The following CSMD1 variants were observed in gnomAD, a reference collection of about 807,000 sequenced individuals.
CSMD1 encodes the protein CUB and sushi domain-containing protein 1.
CSMD1 carries 213 observed loss-of-function variants against 417.5 expected under a neutral mutation model. That is an observed-to-expected ratio of 0.51 (90% CI 0.46 to 0.57). The LOEUF (loss-of-function observed/expected upper bound fraction) is 0.57, where lower values mean the gene tolerates loss of function less well. CSMD1 is among the 20% of genes least tolerant of loss of function. The pLI is 0.00. For synonymous variants in CSMD1, 2,862 were observed against 1,736.8 expected, an observed-to-expected ratio of 1.65 and a Z score of -16.11; for missense variants, 6,923 against 4,529.7, an observed-to-expected ratio of 1.53 and a Z score of -15.17.
At chr8:3,176,964 G>A (rs564146344) in intron 37 of CSMD1, among the ~76,000 whole-genome samples, 2 of 151,982 alleles carry the variant, frequency 1.3e-5, no homozygotes, top group East Asian at 1.9e-4. Flanking sequence ...TTTTTATAGA[G>A]ATGAGGTTTT....
chr8:4,005,791 G>C (rs566774507), intron 4 of CSMD1, among the ~76,000 whole-genome samples: 17 of 152,168 alleles, frequency 1.1e-4, no homozygotes, highest in African/African-American at 4.1e-4. Flanking sequence ...ATTAGTGTCA[G>C]AATCTCATTT....
chr8:4,390,876 TC>T (rs1234460072), intron 3 of CSMD1, among the ~76,000 whole-genome samples: 1 of 152,158 alleles, frequency 6.6e-6, no homozygotes, highest in Non-Finnish European at 1.5e-5. Flanking sequence ...CTCACATGTT[TC>T]ATATGTTGTC....
In CSMD1 at chr8:3,823,286, G is replaced by A. The variant is rs373657567; in HGVS notation, c.819-69244C>T. Among the ~76,000 whole-genome samples, 12 of 152,220 alleles carry A rather than the reference G, an allele frequency of 7.9e-5. No individual in the cohort carries two copies. In the East Asian group the frequency reaches 2.1e-3, roughly 27 times the overall value. On this transcript the variant is annotated intron_variant, in intron 5 of 69. Coordinates refer to ENST00000635120, the MANE Select transcript of CSMD1 (RefSeq NM_033225.6). ...ATTCAGTTTTGCCAGATAATGTCTG[G>A]AATCGCTTCCTCCTGCAAACCATCT...
chr8:4,529,480 G>C (rs576429672), intron 2 of CSMD1, among the ~76,000 whole-genome samples: 1 of 152,108 alleles, frequency 6.6e-6, no homozygotes, highest in East Asian at 1.9e-4. Context: ...AAAATTTAAT[G>C]ATTTATAACT....
chr8:3,539,295 T>G (rs1798340398), intron 10 of CSMD1, among the ~76,000 whole-genome samples: 1 of 152,192 alleles, frequency 6.6e-6, no homozygotes, highest in South Asian at 2.1e-4. Flanking sequence ...TTCCCCCTAC[T>G]GCCTACCTCC....
Position 3,756,948 on chromosome 8 carries a change from A to C in CSMD1, c.819-2906T>G, listed in dbSNP as rs924994677. ...GTAGCTAGAGCTATATGTGCACACC[A>C]TATCTGGATAGTTTTGTAATCTTTT... On this transcript the variant is annotated intron_variant, in intron 5 of 69. Coordinates refer to ENST00000635120, the MANE Select transcript of CSMD1 (RefSeq NM_033225.6). Among the ~76,000 whole-genome samples, 3 of 152,216 alleles carry C rather than the reference A, an allele frequency of 2.0e-5. No individual in the cohort carries two copies. The South Asian group carries it at 6.2e-4, about 32-fold the overall frequency.
chr8:3,649,662 A>G (rs1293546508), intron 7 of CSMD1, among the ~76,000 whole-genome samples: 1 of 152,176 alleles, frequency 6.6e-6, no homozygotes, highest in Non-Finnish European at 1.5e-5. Flanking sequence ...CCATGATTCC[A>G]TTACCTCCAC....
intron 1 of CSMD1, among the ~76,000 whole-genome samples, chr8:4,821,219 A>G (rs979913549): frequency 6.6e-6 from 1 of 152,200 alleles, no homozygotes; most frequent in Non-Finnish European, 1.5e-5. Flanking sequence ...AAGGAAAAAC[A>G]TTCTTACAAT....
intron 10 of CSMD1, among the ~76,000 whole-genome samples, chr8:3,563,058 T>C (rs1363494124): frequency 6.6e-6 from 1 of 152,124 alleles, no homozygotes; most frequent in African/African-American, 2.4e-5. Context: ...TGCTTGGTCA[T>C]GATCTGGGTG....
Position 3,284,155 on chromosome 8 carries a change from A to T in CSMD1, c.4142T>A (p.Ile1381Asn). The change falls in exon 26 of 70, where the codon ATC (isoleucine) becomes AAC (asparagine). Residue 1381 changes from isoleucine (I) to asparagine (N), a missense_variant. Transcript: ENST00000635120. The part of the protein sequence containing the change: ...DFFISKSGFS[I>N]QFSTSIAATC... ...GCTGTGCCACCTACTGGAGAACTGGATGGAGAAGCCAGACTTGCTGATGAA... is the reference window on the plus strand; with the variant it reads ...GCTGTGCCACCTACTGGAGAACTGGTTGGAGAAGCCAGACTTGCTGATGAA... 6.4e-7 allele frequency: 1 copy of T among 1,566,260 alleles called. No individual in the cohort carries two copies. The highest frequency in any genetic ancestry group is 8.7e-7 in the Non-Finnish European group (1 of 1,155,720).
chr8:4,097,608 T>C (rs1275145293), intron 3 of CSMD1, among the ~76,000 whole-genome samples: 1 of 152,218 alleles, frequency 6.6e-6, no homozygotes, highest in Non-Finnish European at 1.5e-5. Flanking sequence ...TTAGCTTATG[T>C]TGGAGATAAG....
chr8:3,059,997 G>A (rs1189479580), intron 49 of CSMD1, among the ~76,000 whole-genome samples: 2 of 152,066 alleles, frequency 1.3e-5, no homozygotes, highest in African/African-American at 4.8e-5. Flanking sequence ...GAACTGAGAA[G>A]GAAGGGCAGG....
intron 1 of CSMD1, among the ~76,000 whole-genome samples, chr8:4,969,857 A>G (rs114323008): frequency 0.011 from 1,685 of 151,788 alleles, 29 homozygotes; most frequent in African/African-American, 0.038. Context: ...TACTTAAACA[A>G]GTAGGATATA....
intron 10 of CSMD1, among the ~76,000 whole-genome samples, chr8:3,530,860 TC>T (rs1797951186): frequency 8.5e-6 from 1 of 118,094 alleles, no homozygotes. Context: ...CTCTCCTTTT[TC>T]CTATTTTTTT....
intron 1 of CSMD1, among the ~76,000 whole-genome samples, chr8:4,953,151 A>C (rs534389351): frequency 2.6e-5 from 4 of 152,188 alleles, no homozygotes; most frequent in Non-Finnish European, 5.9e-5. Flanking sequence ...TTTAATTCTC[A>C]AGGTAGAAGA....
chr8:4,229,074 C>T (rs764198758), intron 3 of CSMD1, among the ~76,000 whole-genome samples: 16 of 152,212 alleles, frequency 1.1e-4, no homozygotes, highest in Non-Finnish European at 1.9e-4. Context: ...CTTTCCCAAA[C>T]CTGATTCCTG....
chr8:4,211,869 C>G (rs2131289768), intron 3 of CSMD1, among the ~76,000 whole-genome samples: 1 of 152,210 alleles, frequency 6.6e-6, no homozygotes, highest in East Asian at 1.9e-4. Context: ...GCTTTAATAA[C>G]CCAACATCAT....
intron 25 of CSMD1, among the ~76,000 whole-genome samples, chr8:3,298,728 A>G (rs1804157120): frequency 6.6e-6 from 1 of 152,250 alleles, no homozygotes; most frequent in African/African-American, 2.4e-5. Context: ...TGCTAGGATT[A>G]CAGGCGTAAG....
At chr8:4,010,974 T>C (rs2130434186) in intron 4 of CSMD1, among the ~76,000 whole-genome samples, 1 of 152,350 alleles carries the variant, frequency 6.6e-6, no homozygotes, top group East Asian at 1.9e-4. Flanking sequence ...TCACTTTCTG[T>C]ATCTGTTCAC....
Sources: gnomAD v4.1 joint callset for allele counts (sites outside exome capture counted in the v4.1 genomes callset) on GRCh38, gnomAD v4.1.1 for gene constraint, MANE v1.5 for transcripts, NCBI Gene and HGNC (gene_info 2026-07-23, HGNC 2026-07-21) for gene names.